Variants in COL21A1 observed in about 807,000 individuals in gnomAD.
COL21A1 encodes collagen alpha-1(XXI) chain.
Under a neutral mutation model 137.9 loss-of-function variants are expected in COL21A1, and 149 were observed. That is an observed-to-expected ratio of 1.08 (90% CI 0.95 to 1.24). The LOEUF (loss-of-function observed/expected upper bound fraction) is 1.24. Among genes scored for constraint, COL21A1 ranks in the 50% most tolerant of loss-of-function variants. The pLI is 0.00. For missense variants in COL21A1, 1,167 were observed against 1,158.4 expected (o/e 1.01, Z -0.11); for synonymous variants, 456 against 391.5 (o/e 1.16, Z -1.95).
chr6:56,125,769 C>A, intron 13 of COL21A1, 149 bp from the exon 14 acceptor site: 2 of 569,976 alleles, frequency 3.5e-6, no homozygotes, highest in East Asian at 3.1e-5. Flanking sequence ...TTTAAAAGGC[C>A]CTCATTTCCA....
chr6:56,064,631 T>A lies in COL21A1; in HGVS notation c.2128-9A>T. ...TTTTCTCCCTTTTGACCCTTTAAAATAAAAAAAAACATTATTGATTAGTTT... is the reference window on the plus strand; with the variant it reads ...TTTTCTCCCTTTTGACCCTTTAAAAAAAAAAAAAACATTATTGATTAGTTT... On this transcript the variant is annotated splice_polypyrimidine_tract_variant and intron_variant, in intron 23 of 29. Coordinates refer to ENST00000244728, the MANE Select transcript of COL21A1 (RefSeq NM_030820.4). 1.3e-6 allele frequency: 2 copies of A among 1,554,670 alleles called. No individual in the cohort carries two copies. Among genetic ancestry groups the A allele is most frequent in the Non-Finnish European group, 1.7e-6 (2 of 1,146,234 alleles).
intron 1 of COL21A1, among the ~76,000 whole-genome samples, chr6:56,277,949 A>G (rs1763706367): frequency 6.6e-6 from 1 of 152,234 alleles, no homozygotes; most frequent in African/African-American, 2.4e-5. Flanking sequence ...ATATGTTTTT[A>G]TATAATTTTG....
chr6:56,060,431 A>G lies in COL21A1; in HGVS notation c.2408-213T>C, dbSNP rs1411252076. ...TTAGAGCAATTGCTTAAAATAGGGGAAAAAGTGAAAGTGCCCCCAAAAGAA... is the reference window on the plus strand; with the variant it reads ...TTAGAGCAATTGCTTAAAATAGGGGGAAAAGTGAAAGTGCCCCCAAAAGAA... On this transcript the variant is annotated intron_variant, in intron 27 of 29. Transcript: ENST00000244728. 3 of 519,512 alleles carry G rather than the reference A, an allele frequency of 5.8e-6. No homozygotes were observed. The African/African-American group carries it at 6.1e-5, about 10-fold the overall frequency. 32.2% of individuals were successfully genotyped at this position (519,512 alleles called of 1,614,324 possible).
intron 27 of COL21A1, 86 bp downstream of exon 27, chr6:56,060,655 C>G (rs1304813022): frequency 3.6e-6 from 4 of 1,109,328 alleles, no homozygotes; most frequent in Non-Finnish European, 3.8e-6. Context: ...CTTCACCTCA[C>G]TTATATCCTC....
At chr6:56,185,712 G>A (rs1401114912) in intron 1 of COL21A1, among the ~76,000 whole-genome samples, 1 of 151,938 alleles carries the variant, frequency 6.6e-6, no homozygotes, top group Admixed American at 6.6e-5. Flanking sequence ...TGGGATTACA[G>A]GCGTGAGCCA....
intron 1 of COL21A1, among the ~76,000 whole-genome samples, chr6:56,343,988 T>G (rs1765529955): frequency 6.6e-6 from 1 of 152,188 alleles, no homozygotes; most frequent in African/African-American, 2.4e-5. Context: ...GAGACAGTGA[T>G]GGATAACAAT....
chr6:56,075,954 A>G (rs1767197904), intron 18 of COL21A1, among the ~76,000 whole-genome samples: 1 of 151,558 alleles, frequency 6.6e-6, no homozygotes, highest in Non-Finnish European at 1.5e-5. Context: ...TAGGTCCTCT[A>G]AGTCCAGAAC....
At chr6:56,290,708 G>C (rs1228581929) in intron 1 of COL21A1, among the ~76,000 whole-genome samples, 1 of 151,950 alleles carries the variant, frequency 6.6e-6, no homozygotes, top group East Asian at 1.9e-4. Flanking sequence ...CCCCATGTTG[G>C]CCAGGATGGT....
intron 1 of COL21A1, chr6:56,276,384 G>T (rs1582750380): frequency 1.9e-6 from 1 of 535,874 alleles, no homozygotes; most frequent in East Asian, 3.1e-5. Flanking sequence ...TCAAATAAAA[G>T]TTGAAATAAT....
At position 56,206,697 on chromosome 6, in the gene COL21A1, A is replaced by AATAAATATAT. The variant is rs1344636182; in HGVS notation, c.-38-24042_-38-24041insATATATTTAT. Reference sequence around the variant, plus strand: ...ATTCAACAAAATAAATAAATAAATAAATATATATATATATATATATATATA... The same window carrying AATAAATATAT: ...ATTCAACAAAATAAATAAATAAATAAATAAATATATATATATATATATATATATATATATA... On this transcript the variant is annotated intron_variant, in intron 1 of 29. Transcript: ENST00000244728. 1.9e-4 allele frequency among the ~76,000 whole-genome samples: 6 copies of AATAAATATAT among 32,318 alleles called. No individual in the cohort carries two copies. The South Asian group carries it at 4.3e-3, about 23-fold the overall frequency. The allele number at this position is 32,318 out of a possible 152,430, so 21.2% of individuals were successfully genotyped here.
At chr6:56,322,884 C>CAAAAAAAAAAAAAAAA (rs386407164) in intron 1 of COL21A1, among the ~76,000 whole-genome samples, 1 of 129,802 alleles carries the variant, frequency 7.7e-6, no homozygotes, top group Non-Finnish European at 1.6e-5. Context: ...CCTCTGCTAT[C>CAAAAAAAAAAAAAAAA]AAAAAAAAAA....
In COL21A1 at chr6:56,218,051, C is replaced by T. The variant is rs146252709; in HGVS notation, c.-39+29336G>A. Among the ~76,000 whole-genome samples the T allele has an allele frequency of 1.5e-3, 235 of 152,134 alleles. 1 individual carries two copies. The highest frequency in any genetic ancestry group is 2.7e-3 in the Non-Finnish European group (183 of 67,990). On this transcript the variant is annotated intron_variant, in intron 1 of 29. Coordinates refer to ENST00000244728, the MANE Select transcript of COL21A1 (RefSeq NM_030820.4). Reference sequence around the variant, plus strand: ...ATGCAAAGTACTTAAAATTCTGTGTCCCTAAATGAGAAGATTGCTTAGTCT... The same window carrying T: ...ATGCAAAGTACTTAAAATTCTGTGTTCCTAAATGAGAAGATTGCTTAGTCT...
chr6:56,214,642 C>T (rs1437027999), intron 1 of COL21A1, among the ~76,000 whole-genome samples: 11 of 151,602 alleles, frequency 7.3e-5, no homozygotes, highest in Admixed American at 4.0e-4. Context: ...ACAGTCAAGG[C>T]CCCCCTTTTT....
At chr6:56,342,487 C>A (rs1327368737) in intron 1 of COL21A1, among the ~76,000 whole-genome samples, 1 of 152,190 alleles carries the variant, frequency 6.6e-6, no homozygotes, top group Non-Finnish European at 1.5e-5. Context: ...AGGAGGACAA[C>A]TGAATTGTGT....
intron 1 of COL21A1, among the ~76,000 whole-genome samples, chr6:56,280,431 C>G (rs1261281624): frequency 6.6e-6 from 1 of 152,154 alleles, no homozygotes; most frequent in Non-Finnish European, 1.5e-5. Flanking sequence ...AACTATCACT[C>G]ATGGAGCCTC....
At chr6:56,350,285 A>G (rs1398383594) in intron 1 of COL21A1, among the ~76,000 whole-genome samples, 1 of 151,848 alleles carries the variant, frequency 6.6e-6, no homozygotes, top group East Asian at 1.9e-4. Context: ...TGGCATGGGC[A>G]GGTGAAAAGG....
At chr6:56,319,437 A>G (rs115156947) in intron 1 of COL21A1, among the ~76,000 whole-genome samples, 3,975 of 152,240 alleles carry the variant, frequency 0.026, 170 homozygotes, top group African/African-American at 0.091. Flanking sequence ...TCCTGGATTC[A>G]AGAAATTCTC....
intron 1 of COL21A1, among the ~76,000 whole-genome samples, chr6:56,269,545 C>T (rs1414265919): frequency 1.3e-5 from 2 of 149,338 alleles, no homozygotes; most frequent in Admixed American, 1.3e-4. Flanking sequence ...GTCCCAGCTA[C>T]TTGGGAGGCT....
chr6:56,204,401 T>C (rs1194420630), intron 1 of COL21A1, among the ~76,000 whole-genome samples: 1 of 152,092 alleles, frequency 6.6e-6, no homozygotes, highest in African/African-American at 2.4e-5. Flanking sequence ...AGCAAGGCCA[T>C]TGCTGCCAGA....
Sources: allele counts gnomAD v4.1 joint callset (sites outside exome capture counted in the v4.1 genomes callset), GRCh38; gene constraint gnomAD v4.1.1; transcripts MANE v1.5; gene names NCBI Gene and HGNC (gene_info 2026-07-23, HGNC 2026-07-21).